The following TAFA1 variants were observed in gnomAD, a reference collection of about 807,000 sequenced individuals.
TAFA1 encodes TAFA chemokine like family member 1.
Under a neutral mutation model 18.5 loss-of-function variants are expected in TAFA1, and 4 were observed. The observed-to-expected ratio is 0.22, with a 90% CI of 0.11 to 0.49. The LOEUF is 0.49. Ranked by LOEUF, TAFA1 falls within the 20% of genes least tolerant of loss-of-function variation. The pLI is 0.98. For synonymous variants in TAFA1, 56 were observed against 55.2 expected (o/e 1.01, Z -0.06); for missense variants, 147 against 169.0 (o/e 0.87, Z 0.72).
At chr3:68,073,528 C>T (rs1219856185) in intron 2 of TAFA1, among the ~76,000 whole-genome samples, 2 of 152,162 alleles carry the variant, frequency 1.3e-5, no homozygotes, top group Non-Finnish European at 2.9e-5. Context: ...ATGAGGGTGG[C>T]CATGTTGTCT....
intron 2 of TAFA1, among the ~76,000 whole-genome samples, chr3:68,177,452 C>A (rs1054643416): frequency 2.0e-5 from 3 of 152,120 alleles, no homozygotes; most frequent in African/African-American, 7.2e-5. Flanking sequence ...CTACCTTGCT[C>A]TTTTGAAGAG....
At chr3:68,421,023 T>C (rs2070946424) in intron 3 of TAFA1, among the ~76,000 whole-genome samples, 1 of 152,208 alleles carries the variant, frequency 6.6e-6, no homozygotes, top group South Asian at 2.1e-4. Context: ...AATCTTCATT[T>C]TGTTTCCAGT....
intron 2 of TAFA1, among the ~76,000 whole-genome samples, chr3:68,036,583 G>C (rs1352629744): frequency 6.6e-6 from 1 of 152,064 alleles, no homozygotes; most frequent in African/African-American, 2.4e-5. Flanking sequence ...TCTCTTTCAA[G>C]TTGAGGAAAA....
chr3:68,134,199 G>A (rs887928852), intron 2 of TAFA1, among the ~76,000 whole-genome samples: 7 of 152,188 alleles, frequency 4.6e-5, no homozygotes, highest in African/African-American at 1.7e-4. Context: ...GCACAAGAGT[G>A]GAAGGGAGAT....
intron 3 of TAFA1, among the ~76,000 whole-genome samples, chr3:68,476,011 G>GT (rs1178775273): frequency 6.6e-6 from 1 of 152,064 alleles, no homozygotes; most frequent in African/African-American, 2.4e-5. Context: ...GGGATTGTTT[G>GT]TTTTTTTCTT....
intron 2 of TAFA1, among the ~76,000 whole-genome samples, chr3:68,402,469 C>G (rs1436711894): frequency 1.3e-5 from 2 of 152,108 alleles, no homozygotes; most frequent in African/African-American, 4.8e-5. Flanking sequence ...GTATGTAACT[C>G]GGTAGAGTCA....
intron 2 of TAFA1, among the ~76,000 whole-genome samples, chr3:68,256,647 ATT>A (rs1199069145): frequency 3.3e-5 from 5 of 152,164 alleles, no homozygotes; most frequent in Non-Finnish European, 7.4e-5. Flanking sequence ...TGGCCTTGGC[ATT>A]GTGTAAAATG....
chr3:68,032,080 A>G (rs1261489440), intron 2 of TAFA1, among the ~76,000 whole-genome samples: 5 of 152,084 alleles, frequency 3.3e-5, no homozygotes, highest in Non-Finnish European at 1.5e-5. Flanking sequence ...CTTAAATATC[A>G]TGTAGGTACC....
chr3:68,544,395 C>T, intron 4 of TAFA1, 91 bp from the exon 5 acceptor site: 2 of 1,304,120 alleles, frequency 1.5e-6, no homozygotes, highest in Non-Finnish European at 2.2e-6. Context: ...CCTAAAGATT[C>T]AAGGTGTCCT....
At chr3:68,499,442 C>CTTTT (rs765191097) in intron 3 of TAFA1, among the ~76,000 whole-genome samples, 1 of 88,074 alleles carries the variant, frequency 1.1e-5, no homozygotes, top group Non-Finnish European at 2.2e-5. Context: ...TTCTGTGTTC[C>CTTTT]TTTCTTTTTT....
intron 3 of TAFA1, among the ~76,000 whole-genome samples, chr3:68,435,615 T>A (rs913136522): frequency 6.6e-6 from 1 of 152,168 alleles, no homozygotes; most frequent in African/African-American, 2.4e-5. Context: ...AGGTCAATGC[T>A]CTGATATTTA....
At chr3:68,434,334 C>T (rs1323193073) in intron 3 of TAFA1, among the ~76,000 whole-genome samples, 2 of 152,048 alleles carry the variant, frequency 1.3e-5, no homozygotes, top group Admixed American at 6.6e-5. Context: ...TGTCTAAATA[C>T]AGCCTCTTCT....
rs534029978 is a variant in TAFA1, at chr3:68,480,411, T to C, written c.260-58345T>C. On this transcript the variant is annotated intron_variant, in intron 3 of 4. Coordinates refer to ENST00000478136, the MANE Select transcript of TAFA1 (RefSeq NM_213609.4). ...GAGCGAGACTTGGTCTCAAAAAACA[T>C]AAAAAAAAGAAAAAGAAATGTAAAT... Among the ~76,000 whole-genome samples the C allele has an allele frequency of 5.8e-3, 884 of 151,152 alleles. 8 individuals carry two copies. The highest frequency in any genetic ancestry group is 0.021 in the African/African-American group (858 of 41,106).
At chr3:68,007,442 G>A (rs954637886) in intron 2 of TAFA1, among the ~76,000 whole-genome samples, 2 of 151,970 alleles carry the variant, frequency 1.3e-5, no homozygotes, top group African/African-American at 4.8e-5. Context: ...CTTCATTCTG[G>A]ATTTTGCTCT....
intron 2 of TAFA1, among the ~76,000 whole-genome samples, chr3:68,042,985 T>C (rs1252719076): frequency 6.6e-6 from 1 of 152,096 alleles, no homozygotes; most frequent in African/African-American, 2.4e-5. Flanking sequence ...CCTCACGGGT[T>C]CAAGCAATTC....
At chr3:68,459,202 G>T (rs958781481) in intron 3 of TAFA1, among the ~76,000 whole-genome samples, 1 of 152,196 alleles carries the variant, frequency 6.6e-6, no homozygotes. Context: ...TGCAGGAGCT[G>T]AGGGAATGAG....
chr3:68,134,823 C>T (rs1487067159), intron 2 of TAFA1, among the ~76,000 whole-genome samples: 5 of 152,156 alleles, frequency 3.3e-5, no homozygotes, highest in African/African-American at 7.2e-5. Context: ...TGAATCAGTT[C>T]CCTTTTCTTT....
intron 2 of TAFA1, among the ~76,000 whole-genome samples, chr3:68,278,080 A>G (rs11707519): frequency 0.1 from 15,732 of 152,178 alleles, 986 homozygotes; most frequent in Middle Eastern, 0.17. Flanking sequence ...TGCCAGGTCA[A>G]TATGTGTGAA....
At chr3:68,434,233 G>A (rs2071231231) in intron 3 of TAFA1, among the ~76,000 whole-genome samples, 1 of 152,092 alleles carries the variant, frequency 6.6e-6, no homozygotes, top group South Asian at 2.1e-4. Context: ...GTTATGTGAA[G>A]TGGTAACTTG....
Sources: allele counts gnomAD v4.1 joint callset (sites outside exome capture counted in the v4.1 genomes callset), GRCh38; gene constraint gnomAD v4.1.1; transcripts MANE v1.5; gene names NCBI Gene and HGNC (gene_info 2026-07-23, HGNC 2026-07-21).